The following MACROD2 variants were observed in gnomAD, a reference collection of about 807,000 sequenced individuals.
The protein encoded by MACROD2 is mono-ADP ribosylhydrolase 2, also known as ADP-ribose glycohydrolase MACROD2.
MACROD2 carries 36 observed loss-of-function variants against 70.4 expected under a neutral mutation model. The ratio of observed to expected loss-of-function variants is 0.51; its 90% confidence interval spans 0.39 to 0.68. The LOEUF is 0.68. Among genes scored for constraint, MACROD2 ranks in the 30% least tolerant of loss-of-function variants. The pLI is 0.00. For missense variants in MACROD2, 496 were observed against 538.4 expected (o/e 0.92, Z 0.78); for synonymous variants, 172 against 178.8 (o/e 0.96, Z 0.30).
At chr20:15,246,911 A>G (rs2077110952) in intron 6 of MACROD2, among the ~76,000 whole-genome samples, 1 of 152,224 alleles carries the variant, frequency 6.6e-6, no homozygotes, top group Non-Finnish European at 1.5e-5. Context: ...TACAACATGG[A>G]TGAATCTTGA....
At position 16,049,965 on chromosome 20, in the gene MACROD2, GA is replaced by G. The variant is rs1325568447; in HGVS notation, c.*91del. The G allele has an allele frequency of 3.2e-6, 1 of 316,522 alleles. No homozygotes were observed. The highest frequency in any genetic ancestry group is 6.9e-6 in the Non-Finnish European group (1 of 145,956). 19.6% of individuals were successfully genotyped at this position (316,522 alleles called of 1,614,324 possible). On this transcript the variant is annotated 3_prime_UTR_variant, in exon 18 of 18. Coordinates refer to ENST00000684519, the MANE Select transcript of MACROD2 (RefSeq NM_001351661.2). The stretch of plus-strand genomic sequence containing the variant: ...CTGTGGAGGAGGGTGGGGGTGGGGG[GA>G]AGGCAAGTCCCATGGAAGGACGGGG...
At chr20:14,229,452 C>T (rs1023854943) in intron 3 of MACROD2, among the ~76,000 whole-genome samples, 29 of 152,050 alleles carry the variant, frequency 1.9e-4, no homozygotes, top group African/African-American at 6.5e-4. Flanking sequence ...GTACAGATGG[C>T]AAATAAGCAC....
At chr20:15,263,651 C>T (rs1179513654) in intron 6 of MACROD2, among the ~76,000 whole-genome samples, 1 of 152,086 alleles carries the variant, frequency 6.6e-6, no homozygotes, top group African/African-American at 2.4e-5. Context: ...ATTGATTCTT[C>T]CAATCCATGA....
chr20:15,501,207 A>G (rs564934458), intron 8 of MACROD2, among the ~76,000 whole-genome samples: 1 of 152,256 alleles, frequency 6.6e-6, no homozygotes, highest in Non-Finnish European at 1.5e-5. Context: ...TTGCTTGGTC[A>G]TAGTAAATGT....
At chr20:14,440,768 TG>T (rs1444751825) in intron 3 of MACROD2, among the ~76,000 whole-genome samples, 1 of 152,146 alleles carries the variant, frequency 6.6e-6, no homozygotes, top group Non-Finnish European at 1.5e-5. Context: ...ATTAATACCA[TG>T]GGATCTCCAG....
At chr20:14,847,117 A>G (rs2073150504) in intron 5 of MACROD2, among the ~76,000 whole-genome samples, 1 of 152,080 alleles carries the variant, frequency 6.6e-6, no homozygotes, top group African/African-American at 2.4e-5. Flanking sequence ...TGTATCTTTT[A>G]TTATTGGTTA....
intron 5 of MACROD2, among the ~76,000 whole-genome samples, chr20:15,064,921 TG>T (rs1284512892): frequency 1.3e-5 from 2 of 152,216 alleles, no homozygotes; most frequent in Non-Finnish European, 2.9e-5. Context: ...GCACAGATCT[TG>T]ACAGCCAAAT....
intron 8 of MACROD2, among the ~76,000 whole-genome samples, chr20:15,519,894 T>C (rs775565410): frequency 5.9e-5 from 9 of 152,316 alleles, no homozygotes; most frequent in Non-Finnish European, 1.2e-4. Context: ...AACAGTTCCA[T>C]AATCTGAACC....
intron 4 of MACROD2, among the ~76,000 whole-genome samples, chr20:14,614,678 A>T (rs148992042): frequency 3.5e-4 from 54 of 152,246 alleles, no homozygotes; most frequent in African/African-American, 1.3e-3. Flanking sequence ...GATATTTTAG[A>T]TGTGTAAAGA....
chr20:14,001,618 G>A (rs982555200), intron 1 of MACROD2, among the ~76,000 whole-genome samples: 5 of 151,870 alleles, frequency 3.3e-5, no homozygotes, highest in Admixed American at 1.3e-4. Flanking sequence ...AAAAAAAGAC[G>A]TTTAATAGAC....
chr20:15,049,451 T>A (rs1458621144), intron 5 of MACROD2, among the ~76,000 whole-genome samples: 2 of 152,082 alleles, frequency 1.3e-5, no homozygotes, highest in Non-Finnish European at 2.9e-5. Context: ...GCAAATATTA[T>A]TTTTCAAGAG....
At chr20:15,491,998 C>T (rs937493214) in intron 7 of MACROD2, among the ~76,000 whole-genome samples, 3 of 152,246 alleles carry the variant, frequency 2.0e-5, no homozygotes. Flanking sequence ...ACTGTGGCCA[C>T]CTCACCCTTG....
At chr20:15,477,207 C>T (rs2047034906) in intron 7 of MACROD2, among the ~76,000 whole-genome samples, 2 of 147,314 alleles carry the variant, frequency 1.4e-5, no homozygotes, top group African/African-American at 5.0e-5. Context: ...CTCAAGTGAT[C>T]CTCCTGCCTC....
At chr20:14,808,141 C>T (rs2072662806) in intron 5 of MACROD2, among the ~76,000 whole-genome samples, 1 of 151,884 alleles carries the variant, frequency 6.6e-6, no homozygotes, top group African/African-American at 2.4e-5. Context: ...GTCAGATTCA[C>T]CAAGGTTGAA....
At chr20:14,712,064 C>A (rs1568753028) in intron 5 of MACROD2, among the ~76,000 whole-genome samples, 1 of 152,022 alleles carries the variant, frequency 6.6e-6, no homozygotes, top group Non-Finnish European at 1.5e-5. Flanking sequence ...ATTCAGGCAA[C>A]TTTACATATA....
chr20:15,546,800 C>T (rs13038859), intron 8 of MACROD2, among the ~76,000 whole-genome samples: 16,467 of 152,134 alleles, frequency 0.11, 992 homozygotes, highest in Admixed American at 0.17. Flanking sequence ...TATTTTACCA[C>T]GTGACGCTTG....
chr20:15,972,206 G>C (rs1481709690), intron 13 of MACROD2, among the ~76,000 whole-genome samples: 1 of 152,050 alleles, frequency 6.6e-6, no homozygotes, highest in Non-Finnish European at 1.5e-5. Flanking sequence ...GAAAAAAAAA[G>C]AGCATCCATG....
chr20:15,797,446 T>C (rs529861069), intron 8 of MACROD2, among the ~76,000 whole-genome samples: 1 of 152,138 alleles, frequency 6.6e-6, no homozygotes, highest in Non-Finnish European at 1.5e-5. Context: ...AGTGACCCCA[T>C]GGTTACAAAG....
rs2054261138 is a variant in MACROD2 at position 14,098,635 on chromosome 20, T to G, written c.271+12907T>G. Among the ~76,000 whole-genome samples the G allele has an allele frequency of 6.6e-5, 10 of 152,318 alleles. No individual in the cohort carries two copies. The South Asian group carries it at 2.1e-3, about 32-fold the overall frequency. ...AATGTTTTATTCACCTCTACTTGCT[T>G]AAAATAAATGTTATTTTTATGTATT... On this transcript the variant is annotated intron_variant, in intron 3 of 17. Coordinates refer to ENST00000684519, the MANE Select transcript of MACROD2 (RefSeq NM_001351661.2).
Sources: gnomAD v4.1 joint callset for allele counts (sites outside exome capture counted in the v4.1 genomes callset) on GRCh38, gnomAD v4.1.1 for gene constraint, MANE v1.5 for transcripts, NCBI Gene and HGNC (gene_info 2026-07-23, HGNC 2026-07-21) for gene names.